Variants in ASTN1 observed in about 807,000 individuals in gnomAD.
ASTN1 encodes the protein astrotactin-1.
A neutral mutation model predicts 140.7 loss-of-function variants in ASTN1; 41 were observed. The ratio of observed to expected loss-of-function variants is 0.29; its 90% CI spans 0.23 to 0.38. ASTN1 has a LOEUF of 0.38. Among genes scored for constraint, ASTN1 ranks in the 10% least tolerant of loss-of-function variants. The pLI is 1.00. For missense variants in ASTN1, 1,479 were observed against 1,678.8 expected (o/e 0.88, Z 2.08); for synonymous variants, 640 against 652.2 (o/e 0.98, Z 0.29).
intron 13 of ASTN1, among the ~76,000 whole-genome samples, chr1:176,945,612 C>T (rs1204626733): frequency 1.3e-5 from 2 of 152,196 alleles, no homozygotes; most frequent in Non-Finnish European, 2.9e-5. Flanking sequence ...GACTCACACA[C>T]TGATGCTTCC....
chr1:177,139,802 C>T (rs1227784905), intron 1 of ASTN1, among the ~76,000 whole-genome samples: 1 of 152,038 alleles, frequency 6.6e-6, no homozygotes, highest in African/African-American at 2.4e-5. Context: ...AAAACATTCC[C>T]AACCGGATGG....
chr1:177,159,879 G>A (rs1318138561), intron 1 of ASTN1, among the ~76,000 whole-genome samples: 2 of 152,206 alleles, frequency 1.3e-5, no homozygotes, highest in Non-Finnish European at 2.9e-5. Flanking sequence ...ATGGCTACCT[G>A]AACCTGAAAA....
intron 22 of ASTN1, among the ~76,000 whole-genome samples, chr1:176,867,776 C>G (rs1348014220): frequency 1.3e-5 from 2 of 152,116 alleles, no homozygotes; most frequent in Non-Finnish European, 2.9e-5. Context: ...CACAGCAGGC[C>G]AAATGAGGAT....
At chr1:177,124,751 G>A (rs546090459) in intron 1 of ASTN1, among the ~76,000 whole-genome samples, 1 of 152,322 alleles carries the variant, frequency 6.6e-6, no homozygotes. Context: ...TTTGATAGAG[G>A]AGGAGGAGTG....
At chr1:177,037,850 AC>A (rs1195988595) in intron 2 of ASTN1, among the ~76,000 whole-genome samples, 3 of 152,236 alleles carry the variant, frequency 2.0e-5, no homozygotes, top group Non-Finnish European at 4.4e-5. Flanking sequence ...ATTTTAAAAT[AC>A]ATTTTTCTTT....
intron 12 of ASTN1, among the ~76,000 whole-genome samples, chr1:176,948,269 T>C (rs1672035613): frequency 7.1e-6 from 1 of 141,442 alleles, no homozygotes; most frequent in African/African-American, 2.6e-5. Context: ...GTTCTGTCCT[T>C]AGCAGGTCGG....
intron 16 of ASTN1, among the ~76,000 whole-genome samples, chr1:176,908,630 A>G (rs1472523509): frequency 1.3e-5 from 2 of 152,202 alleles, no homozygotes; most frequent in African/African-American, 2.4e-5. Flanking sequence ...TTCAGTTGCC[A>G]TATCTGTAGA....
chr1:177,142,203 C>T (rs866332771), intron 1 of ASTN1, among the ~76,000 whole-genome samples: 2 of 151,654 alleles, frequency 1.3e-5, no homozygotes, highest in African/African-American at 4.8e-5. Flanking sequence ...ATAATAATTA[C>T]ACATTGTCAG....
At chr1:176,927,334 A>G (rs1332334902) in intron 16 of ASTN1, among the ~76,000 whole-genome samples, 2 of 152,232 alleles carry the variant, frequency 1.3e-5, no homozygotes, top group Non-Finnish European at 2.9e-5. Flanking sequence ...GATATGCACC[A>G]AAAGTAATAG....
chr1:177,062,243 T>A (rs369086438), intron 1 of ASTN1, among the ~76,000 whole-genome samples: 1 of 152,094 alleles, frequency 6.6e-6, no homozygotes, highest in East Asian at 1.9e-4. Flanking sequence ...TTTTTCTTTT[T>A]TTTTTTCTTT....
At chr1:176,902,976 T>C (rs1669832678) in intron 16 of ASTN1, among the ~76,000 whole-genome samples, 2 of 152,184 alleles carry the variant, frequency 1.3e-5, no homozygotes, top group Admixed American at 6.5e-5. Context: ...AGACTGTTAG[T>C]TCCCAGTGGG....
chr1:176,974,880 C>T (rs1007715620), intron 8 of ASTN1, among the ~76,000 whole-genome samples: 5 of 152,188 alleles, frequency 3.3e-5, no homozygotes, highest in African/African-American at 9.6e-5. Flanking sequence ...TCATCACACT[C>T]GGCCTTTTAG....
chr1:176,893,042 G>T (rs901937168), intron 17 of ASTN1, among the ~76,000 whole-genome samples: 2 of 152,134 alleles, frequency 1.3e-5, no homozygotes, highest in African/African-American at 4.8e-5. Flanking sequence ...GCCAAGTAGG[G>T]GATCCAGAAA....
At chr1:176,981,982 A>C (rs544752096) in intron 8 of ASTN1, among the ~76,000 whole-genome samples, 1 of 152,320 alleles carries the variant, frequency 6.6e-6, no homozygotes, top group African/African-American at 2.4e-5. Context: ...CAAATAAAAA[A>C]AGGCTTGCGA....
At chr1:177,133,082 G>T (rs979628563) in intron 1 of ASTN1, among the ~76,000 whole-genome samples, 1 of 152,278 alleles carries the variant, frequency 6.6e-6, no homozygotes, top group African/African-American at 2.4e-5. Context: ...TAATATCTGT[G>T]CCTGTCCAGC....
At chr1:176,875,390 T>C (rs1668519217) in intron 21 of ASTN1, among the ~76,000 whole-genome samples, 1 of 152,214 alleles carries the variant, frequency 6.6e-6, no homozygotes, top group African/African-American at 2.4e-5. Flanking sequence ...ACAAGAGGAA[T>C]GGCAATACAT....
chr1:177,119,901 C>T (rs1029287900), intron 1 of ASTN1, among the ~76,000 whole-genome samples: 1 of 152,146 alleles, frequency 6.6e-6, no homozygotes, highest in African/African-American at 2.4e-5. Flanking sequence ...CCCCCTCAGT[C>T]CTGAAATAGC....
At chr1:177,162,527 G>A (rs1008653393) in intron 1 of ASTN1, among the ~76,000 whole-genome samples, 1 of 152,146 alleles carries the variant, frequency 6.6e-6, no homozygotes. Context: ...ATAACATCTG[G>A]GCTTTCACTG....
chr1:177,016,787 T>C (rs375755356), intron 7 of ASTN1, among the ~76,000 whole-genome samples: 1 of 152,230 alleles, frequency 6.6e-6, no homozygotes, highest in South Asian at 2.1e-4. Context: ...TATTTACAGA[T>C]ATTTACACCT....
Sources: gnomAD v4.1 joint callset for allele counts (sites outside exome capture counted in the v4.1 genomes callset) on GRCh38, gnomAD v4.1.1 for gene constraint, MANE v1.5 for transcripts, NCBI Gene and HGNC (gene_info 2026-07-23, HGNC 2026-07-21) for gene names.